The following CCNG2 variants were observed in gnomAD, a reference collection of about 807,000 sequenced individuals.
CCNG2 encodes the protein cyclin-G2.
CCNG2 carries 20 observed loss-of-function variants against 36.5 expected under a neutral mutation model. The observed-to-expected ratio is 0.55, with a 90% CI of 0.39 to 0.80. The LOEUF (loss-of-function observed/expected upper bound fraction) is 0.80. CCNG2 is among the 30% of genes least tolerant of loss of function. The pLI is 0.00. For synonymous variants in CCNG2, 155 were observed against 140.1 expected (o/e 1.11, Z -0.75); for missense variants, 358 against 390.8 (o/e 0.92, Z 0.71).
chr4:77,165,740 A>G, intron 7 of CCNG2, 61 bp from the exon 8 acceptor site: 1 of 1,393,030 alleles, frequency 7.2e-7, no homozygotes, highest in Non-Finnish European at 9.6e-7. Context: ...TTTTGGCTAT[A>G]AAACATTTAA....
Position 77,169,209 on chromosome 4 carries a change from A to G in CCNG2, c.*3285A>G, listed in dbSNP as rs1021787911. The G allele has an allele frequency of 1.3e-5, 2 of 152,030 alleles. No individual in the cohort carries two copies. Among genetic ancestry groups the G allele is most frequent in the African/African-American group, 4.8e-5 (2 of 41,376 alleles). The allele number at this position is 152,030 out of a possible 1,614,324, so 9.4% of individuals were successfully genotyped here. A position where few individuals can be genotyped will look rare whatever the true frequency, so the allele number is the denominator to read the frequency against. ...CTTTTTTACAATTTCTTTTATTTCAACACTAGGTTTCAATATGGTGTTCCT... is the reference window on the plus strand; with the variant it reads ...CTTTTTTACAATTTCTTTTATTTCAGCACTAGGTTTCAATATGGTGTTCCT... On this transcript the variant is annotated 3_prime_UTR_variant, in exon 8 of 8. Coordinates refer to ENST00000316355, the MANE Select transcript of CCNG2 (RefSeq NM_004354.3).
chr4:77,164,277 A>C lies in CCNG2; in HGVS notation c.709A>C (p.Asn237His), dbSNP rs1444121915. ...LLLVKKHSKI[N>H]DTEFFYWREL... Reference sequence around the variant, plus strand: ...TCTTAAAATATTTTTTTTTCAGATTAATGACACTGAGTTCTTCTACTGGAG... The same window carrying C: ...TCTTAAAATATTTTTTTTTCAGATTCATGACACTGAGTTCTTCTACTGGAG... The change falls in exon 7 of 8, where the codon AAT (asparagine) becomes CAT (histidine). Residue 237 changes from asparagine (N) to histidine (H), a missense_variant. By Grantham distance (68) the Asn-to-His change is moderately conservative. Coordinates refer to ENST00000316355, the MANE Select transcript of CCNG2 (RefSeq NM_004354.3). The C allele has an allele frequency of 6.2e-7, 1 of 1,611,370 alleles. No individual in the cohort carries two copies. Among genetic ancestry groups the C allele is most frequent in the Admixed American group, 1.7e-5 (1 of 59,826 alleles).
rs976881487 is a variant in CCNG2 at position 77,161,112 on chromosome 4, TTTTTTTG to T, written c.527+142_527+148del. On this transcript the variant is annotated intron_variant, in intron 4 of 7. Transcript: ENST00000316355. ...TTATTGGTAAATCTTTTTTTTTTTT[TTTTTTTG>T]GAGAAGGAATTTCGCTCTTGTTGCC... The T allele has an allele frequency of 1.2e-3, 874 of 758,538 alleles. 6 individuals are homozygous for T. In the African/African-American group the frequency reaches 0.015, roughly 13 times the overall value. The allele number at this position is 758,538 out of a possible 1,614,324, so 47.0% of individuals were successfully genotyped here. A position where few individuals can be genotyped will look rare whatever the true frequency, so the allele number is the denominator to read the frequency against.
At chr4:77,158,278 C>T in intron 1 of CCNG2, 3 of 467,786 alleles carry the variant, frequency 6.4e-6, no homozygotes, top group Non-Finnish European at 1.1e-5. Flanking sequence ...TGTGAAACGC[C>T]AAGAGGCCAG....
In CCNG2 at chr4:77,166,637, A is replaced by G. The variant is rs1054129274; in HGVS notation, c.*713A>G. ...TATTTTAATGTTACTTTAAAAATCC[A>G]TAATCTGCTAGTTTTGCATGTACTT... On this transcript the variant is annotated 3_prime_UTR_variant, in exon 8 of 8. Transcript: ENST00000316355. The G allele has an allele frequency of 6.6e-6, 1 of 152,226 alleles. No homozygotes were observed. The highest frequency in any genetic ancestry group is 1.5e-5 in the Non-Finnish European group (1 of 68,032). The allele number at this position is 152,226 out of a possible 1,614,324, so 9.4% of individuals were successfully genotyped here.
Position 77,169,527 on chromosome 4 carries a change from G to A in CCNG2, c.*3603G>A, listed in dbSNP as rs576837299. 1 of 152,318 alleles carries A rather than the reference G, an allele frequency of 6.6e-6. No homozygotes were observed. Among genetic ancestry groups the A allele is most frequent in the Admixed American group, 6.5e-5 (1 of 15,304 alleles). 9.4% of individuals were successfully genotyped at this position (152,318 alleles called of 1,614,324 possible). ...AGTCTGTTTCTCTTGAGTTTTGGCT[G>A]GCCTTATGAATGGCTTTGCTTACTG... is the stretch of plus-strand genomic sequence containing the variant. On this transcript the variant is annotated 3_prime_UTR_variant, in exon 8 of 8. Coordinates refer to ENST00000316355, the MANE Select transcript of CCNG2 (RefSeq NM_004354.3).
chr4:77,158,492 T>A, intron 1 of CCNG2, 41 bp from the exon 2 acceptor site: 1 of 1,611,974 alleles, frequency 6.2e-7, no homozygotes, highest in Non-Finnish European at 8.5e-7. Flanking sequence ...CCACCCCTCT[T>A]ACCCCCAGAT....
rs1345926187 is a variant in CCNG2 at position 77,164,270 on chromosome 4, T to G, written c.706-4T>G. 3.7e-6 allele frequency: 6 copies of G among 1,610,550 alleles called. No individual in the cohort carries two copies. Among genetic ancestry groups the G allele is most frequent in the Non-Finnish European group, 5.1e-6 (6 of 1,177,138 alleles). The stretch of plus-strand genomic sequence containing the variant: ...CGTAACCTCTTAAAATATTTTTTTT[T>G]CAGATTAATGACACTGAGTTCTTCT... On this transcript the variant is annotated splice_polypyrimidine_tract_variant and splice_region_variant and intron_variant, in intron 6 of 7. Transcript: ENST00000316355.
Position 77,160,765 on chromosome 4 carries a change from G to T in CCNG2, c.321G>T (p.Leu107Phe), listed in dbSNP as rs1438369453. ...HLSCIGVCSF[L>F]LAARIVEEDC... ...CTTGCATTGGAGTCTGTTCTTTTTT[G>T]CTGGCTGCTAGAATAGTTGAAGAAG... The change falls in exon 4 of 8, where the codon TTG becomes TTT. Residue 107 changes from leucine (L) to phenylalanine (F), a missense_variant. Transcript: ENST00000316355. The T allele has an allele frequency of 6.2e-7, 1 of 1,611,616 alleles. No individual in the cohort carries two copies. The highest frequency in any genetic ancestry group is 8.5e-7 in the Non-Finnish European group (1 of 1,179,238).
At chr4:77,160,678 C>T in intron 3 of CCNG2, 43 bp from the exon 4 acceptor site, 1 of 1,592,418 alleles carries the variant, frequency 6.3e-7, no homozygotes, top group Non-Finnish European at 8.5e-7. Flanking sequence ...TCTGCTAAGT[C>T]AAAGTGACAG....
chr4:77,159,150 T>A (rs1731355549), intron 2 of CCNG2, among the ~76,000 whole-genome samples: 1 of 152,246 alleles, frequency 6.6e-6, no homozygotes, highest in Non-Finnish European at 1.5e-5. Context: ...TCTTTTATGA[T>A]GCGTATTTTT....
intron 3 of CCNG2, 135 bp downstream of exon 3, chr4:77,159,639 G>A (rs913671111): frequency 1.2e-5 from 9 of 778,074 alleles, no homozygotes; most frequent in South Asian, 4.5e-5. Context: ...AATTGTGATC[G>A]TTAGTGCCAG....
At chr4:77,157,753 C>T (rs1363140724) in intron 1 of CCNG2, among the ~76,000 whole-genome samples, 2 of 152,156 alleles carry the variant, frequency 1.3e-5, no homozygotes, top group Non-Finnish European at 2.9e-5. Context: ...TGCCCCCCGC[C>T]CCCGCTCGTG....
Position 77,159,562 on chromosome 4 carries a change from C to T in CCNG2, c.276+58C>T, listed in dbSNP as rs965476134. On this transcript the variant is annotated intron_variant, in intron 3 of 7. Coordinates refer to ENST00000316355, the MANE Select transcript of CCNG2 (RefSeq NM_004354.3). The stretch of plus-strand genomic sequence containing the variant: ...TTTTCTATGCCCAGTGCCTAGCACA[C>T]AGGGTTCAAGAAATATTTATCGAAT... 3.9e-6 allele frequency: 6 copies of T among 1,527,850 alleles called. No homozygotes were observed. In the South Asian group the frequency reaches 6.0e-5, roughly 15 times the overall value. 94.6% of individuals were successfully genotyped at this position (1,527,850 alleles called of 1,614,324 possible).
rs748430206 is a variant in CCNG2 at position 77,160,839 on chromosome 4, A to G, written c.395A>G (p.Lys132Arg). Residue 132 changes from lysine to arginine, a missense_variant, in exon 4 of 8, where the codon AAA becomes AGA. Transcript: ENST00000316355. ...GATGTGATCCGGATTAGTCAGTGTA[A>G]ATGTACTGCTTCTGACATAAAACGG... ...THDVIRISQC[K>R]CTASDIKRME... 22 of 1,614,074 alleles carry G rather than the reference A, an allele frequency of 1.4e-5. No individual in the cohort carries two copies. The South Asian group carries it at 2.4e-4, about 18-fold the overall frequency.
At chr4:77,161,099 C>CAT in intron 4 of CCNG2, 128 bp downstream of exon 4, 1 of 304,558 alleles carries the variant, frequency 3.3e-6, no homozygotes, top group Non-Finnish European at 5.6e-6. Flanking sequence ...ATTGGTAAAT[C>CAT]TTTTTTTTTT....
In CCNG2 at chr4:77,167,957, C is replaced by T. The variant is rs146060167; in HGVS notation, c.*2033C>T. ...CAAATCTCAAGACTCTCTTTAGCTC[C>T]TGCAGGATTGTATTGCTTTTCTTAC... On this transcript the variant is annotated 3_prime_UTR_variant, in exon 8 of 8. Transcript: ENST00000316355. The T allele has an allele frequency of 7.9e-5, 12 of 152,314 alleles. No homozygotes were observed. The highest frequency in any genetic ancestry group is 3.4e-3 in the Middle Eastern group (1 of 294). 9.4% of individuals were successfully genotyped at this position (152,314 alleles called of 1,614,324 possible).
chr4:77,164,288 G>A lies in CCNG2; in HGVS notation c.720G>A (p.Glu240=). 2 of 1,613,386 alleles carry A rather than the reference G, an allele frequency of 1.2e-6. No homozygotes were observed. The highest frequency in any genetic ancestry group is 1.7e-6 in the Non-Finnish European group (2 of 1,179,418). Residue 240 remains glutamate (E), a synonymous_variant, in exon 7 of 8, where the codon GAG becomes GAA. Transcript: ENST00000316355. ...VKKHSKINDT[E]FFYWRELVSK... ...TTTTTTTTCAGATTAATGACACTGA[G>A]TTCTTCTACTGGAGAGAGTTGGTTT...
rs373480919 is a variant in CCNG2 at position 77,159,542 on chromosome 4, T to C, written c.276+38T>C. 5.4e-4 allele frequency: 862 copies of C among 1,599,912 alleles called. 2 individuals are homozygous for C. Among genetic ancestry groups the C allele is most frequent in the Non-Finnish European group, 6.5e-4 (757 of 1,170,734 alleles). ...TTTTATAAATATGTCTTCCTTTTTC[T>C]ATGCCCAGTGCCTAGCACACAGGGT... On this transcript the variant is annotated intron_variant, in intron 3 of 7. Coordinates refer to ENST00000316355, the MANE Select transcript of CCNG2 (RefSeq NM_004354.3).
Sources: gnomAD v4.1 joint callset for allele counts (sites outside exome capture counted in the v4.1 genomes callset) on GRCh38, gnomAD v4.1.1 for gene constraint, MANE v1.5 for transcripts, NCBI Gene and HGNC (gene_info 2026-07-23, HGNC 2026-07-21) for gene names.